SMARCAD1: variants seen among roughly 807,000 people sequenced by gnomAD.
The protein encoded by SMARCAD1 is SNF2 related chromatin remodeling ATPase with DExD box 1, also known as SWI/SNF-related matrix-associated actin-dependent regulator of chromatin subfamily A containing DEAD/H box 1.
A neutral mutation model predicts 127.1 loss-of-function variants in SMARCAD1; 25 were observed. That is an observed-to-expected ratio of 0.20 (90% CI 0.14 to 0.27). The LOEUF (loss-of-function observed/expected upper bound fraction) is 0.27. Ranked by LOEUF, SMARCAD1 falls within the 10% of genes least tolerant of loss-of-function variation. The probability of loss-of-function intolerance (pLI) is 1.00; values close to 1 mark genes in which losing one functional copy is unlikely to be tolerated. For missense variants in SMARCAD1, 807 were observed against 1,206.0 expected, an observed-to-expected ratio of 0.67 and a Z score of 4.90; for synonymous variants, 400 against 396.9, an observed-to-expected ratio of 1.01 and a Z score of -0.09.
intron 2 of SMARCAD1, among the ~76,000 whole-genome samples, chr4:94,225,072 A>G (rs1236117736): frequency 6.6e-6 from 1 of 152,170 alleles, no homozygotes; most frequent in African/African-American, 2.4e-5. Flanking sequence ...CAAAAGGGAA[A>G]ATAATGTTGG....
intron 6 of SMARCAD1, among the ~76,000 whole-genome samples, chr4:94,246,116 CTT>C (rs765392820): frequency 7.1e-6 from 1 of 139,888 alleles, no homozygotes; most frequent in Non-Finnish European, 1.6e-5. Flanking sequence ...AACTGACATT[CTT>C]TTTTTTTTTT....
intron 6 of SMARCAD1, among the ~76,000 whole-genome samples, chr4:94,246,739 G>C (rs1046627113): frequency 3.3e-5 from 5 of 152,124 alleles, no homozygotes; most frequent in Admixed American, 2.0e-4. Context: ...TGGATCAAGT[G>C]ATACTCTCTA....
intron 10 of SMARCAD1, among the ~76,000 whole-genome samples, chr4:94,267,649 TC>T (rs1751935901): frequency 6.6e-6 from 1 of 152,128 alleles, no homozygotes; most frequent in Non-Finnish European, 1.5e-5. Context: ...AACAATAACT[TC>T]AAAATAGCCT....
At chr4:94,274,566 C>T (rs1372234280) in intron 12 of SMARCAD1, among the ~76,000 whole-genome samples, 172 bp from the exon 13 acceptor site, 1 of 152,198 alleles carries the variant, frequency 6.6e-6, no homozygotes, top group African/African-American at 2.4e-5. Context: ...ATCCACCCGC[C>T]TCAGCTTCCC....
At chr4:94,228,937 A>G (rs988164755) in intron 3 of SMARCAD1, among the ~76,000 whole-genome samples, 4 of 152,058 alleles carry the variant, frequency 2.6e-5, no homozygotes, top group Admixed American at 1.3e-4. Flanking sequence ...GGTTTAACTA[A>G]TGTTTCTTCA....
At chr4:94,215,561 T>C (rs1197156988) in intron 2 of SMARCAD1, among the ~76,000 whole-genome samples, 1 of 137,404 alleles carries the variant, frequency 7.3e-6, no homozygotes, top group Non-Finnish European at 1.5e-5. Flanking sequence ...TTTGAGGTTA[T>C]GGTAAGCTGT....
At chr4:94,250,219 T>A (rs1206823256) in intron 7 of SMARCAD1, among the ~76,000 whole-genome samples, 1 of 151,964 alleles carries the variant, frequency 6.6e-6, no homozygotes, top group Non-Finnish European at 1.5e-5. Flanking sequence ...ATGCCACGCA[T>A]CCTGTTGCTA....
At chr4:94,253,938 T>C (rs946983746) in intron 9 of SMARCAD1, among the ~76,000 whole-genome samples, 2 of 152,178 alleles carry the variant, frequency 1.3e-5, no homozygotes, top group Admixed American at 1.3e-4. Context: ...TAAAATTTTT[T>C]AGGAAGTTTT....
At chr4:94,249,506 A>ATGACACAT (rs1560538348) in intron 6 of SMARCAD1, 148 bp from the exon 7 acceptor site, 1 of 619,252 alleles carries the variant, frequency 1.6e-6, no homozygotes, top group African/African-American at 1.8e-5. Context: ...AAATATGTCA[A>ATGACACAT]TGTTCACAGA....
intron 3 of SMARCAD1, among the ~76,000 whole-genome samples, chr4:94,226,737 T>G (rs924289712): frequency 1.3e-5 from 2 of 152,144 alleles, no homozygotes; most frequent in Non-Finnish European, 2.9e-5. Flanking sequence ...TCCCCAGCTT[T>G]CTTTCTGCCC....
At chr4:94,215,594 C>T (rs1332051094) in intron 2 of SMARCAD1, among the ~76,000 whole-genome samples, 1 of 117,200 alleles carries the variant, frequency 8.5e-6, no homozygotes, top group Admixed American at 1.3e-4. Context: ...ACATTCCAGC[C>T]TGGGCAACAG....
In SMARCAD1 at chr4:94,237,151, G is replaced by C. The variant is rs1181438328; in HGVS notation, c.604+133G>C. 16 of 768,156 alleles carry C rather than the reference G, an allele frequency of 2.1e-5. No individual in the cohort carries two copies. In the East Asian group the frequency reaches 4.3e-4, roughly 20 times the overall value. 47.6% of individuals were successfully genotyped at this position (768,156 alleles called of 1,614,324 possible). A position where few individuals can be genotyped will look rare whatever the true frequency, so the allele number is the denominator to read the frequency against. On this transcript the variant is annotated intron_variant, in intron 5 of 23. Transcript: ENST00000354268. Reference sequence around the variant, plus strand: ...TACAGGAATTTGTGAGGTATTAATAGTTTCACTGTTTTTCCCTAAAAAGGG... The same window carrying C: ...TACAGGAATTTGTGAGGTATTAATACTTTCACTGTTTTTCCCTAAAAAGGG...
At chr4:94,226,438 C>A in intron 3 of SMARCAD1, 142 bp downstream of exon 3, 11 of 588,372 alleles carry the variant, frequency 1.9e-5, no homozygotes, top group Admixed American at 3.3e-5. Flanking sequence ...TTCTTGGCCA[C>A]ATCTTGGTTA....
chr4:94,285,791 G>C (rs545282570), intron 23 of SMARCAD1, among the ~76,000 whole-genome samples: 1 of 152,284 alleles, frequency 6.6e-6, no homozygotes, highest in South Asian at 2.1e-4. Flanking sequence ...AAGCAACTGA[G>C]ATCTTTAAGA....
rs1384003992 is a variant in SMARCAD1 at position 94,276,206 on chromosome 4, G to A, written c.1809-133G>A. On this transcript the variant is annotated intron_variant, in intron 14 of 23. Coordinates refer to ENST00000354268, the MANE Select transcript of SMARCAD1 (RefSeq NM_020159.5). ...CAGTATTTATTTGAGTATCACCCGT[G>A]TCTAGTGCTGTGCTTTAAGTACTGG... 3 of 837,252 alleles carry A rather than the reference G, an allele frequency of 3.6e-6. No individual in the cohort carries two copies. In the East Asian group the frequency reaches 8.0e-5, roughly 22 times the overall value. 51.9% of individuals were successfully genotyped at this position (837,252 alleles called of 1,614,324 possible).
At chr4:94,207,795 A>G (rs199546942), upstream of SMARCAD1, 54 of 242,762 alleles carry the variant, frequency 2.2e-4, no homozygotes, top group East Asian at 4.8e-3. Context: ...ATGCCTTAGC[A>G]TGCACTCCAC....
rs555204593 is a variant in SMARCAD1, at chr4:94,289,824, T to C, written c.*290T>C. 7.7e-6 allele frequency: 4 copies of C among 521,070 alleles called. No homozygotes were observed. The highest frequency in any genetic ancestry group is 3.8e-5 in the African/African-American group (2 of 52,782). 32.3% of individuals were successfully genotyped at this position (521,070 alleles called of 1,614,324 possible). Reference sequence around the variant, plus strand: ...AGTTGGTGATTGTTTGTAACAAATATGCTAATGCTTTAGAAATGTCAGTAT... The same window carrying C: ...AGTTGGTGATTGTTTGTAACAAATACGCTAATGCTTTAGAAATGTCAGTAT... On this transcript the variant is annotated 3_prime_UTR_variant, in exon 24 of 24. Coordinates refer to ENST00000354268, the MANE Select transcript of SMARCAD1 (RefSeq NM_020159.5).
chr4:94,287,805 A>G (rs1351185634), intron 23 of SMARCAD1, among the ~76,000 whole-genome samples: 3 of 152,018 alleles, frequency 2.0e-5, no homozygotes, highest in African/African-American at 7.3e-5. Context: ...ATATATTACC[A>G]CAATCATGAC....
At chr4:94,282,352 T>C (rs1754224261) in intron 21 of SMARCAD1, among the ~76,000 whole-genome samples, 1 of 151,566 alleles carries the variant, frequency 6.6e-6, no homozygotes, top group Non-Finnish European at 1.5e-5. Context: ...CGCCTCGGCC[T>C]CCCAAAGTGC....
Sources: allele counts gnomAD v4.1 joint callset (sites outside exome capture counted in the v4.1 genomes callset), GRCh38; gene constraint gnomAD v4.1.1; transcripts MANE v1.5; gene names NCBI Gene and HGNC (gene_info 2026-07-23, HGNC 2026-07-21).